PLCH1: variants seen among roughly 807,000 people sequenced by gnomAD.
The protein encoded by PLCH1 is 1-phosphatidylinositol 4,5-bisphosphate phosphodiesterase eta-1.
In PLCH1, 60 loss-of-function variants were observed where a neutral mutation model predicts 126.7. That is an observed-to-expected ratio of 0.47 (90% CI 0.38 to 0.59). The LOEUF (loss-of-function observed/expected upper bound fraction) is 0.59. Among genes scored for constraint, PLCH1 ranks in the 20% least tolerant of loss-of-function variants. The pLI, the probability that PLCH1 is intolerant of heterozygous loss-of-function variation, is 0.00. For synonymous variants in PLCH1, 719 were observed against 734.9 expected, an observed-to-expected ratio of 0.98 and a Z score of 0.35; for missense variants, 1,723 against 2,040.0, an observed-to-expected ratio of 0.84 and a Z score of 2.99.
In PLCH1 at chr3:155,497,492, C is replaced by T. The variant is rs544369478; in HGVS notation, c.1797-75G>A. 4.9e-6 allele frequency: 5 copies of T among 1,025,416 alleles called. No individual in the cohort carries two copies. The African/African-American group carries it at 7.9e-5, about 16-fold the overall frequency. 63.5% of individuals were successfully genotyped at this position (1,025,416 alleles called of 1,614,324 possible). ...TTGGGTTCTTGGTTATCCCACTTTC[C>T]TTATTTAAGACAATGATTTAATAGG... On this transcript the variant is annotated intron_variant, in intron 14 of 22. Coordinates refer to ENST00000460012, the MANE Select transcript of PLCH1 (RefSeq NM_014996.4).
rs1280176714 is a variant in PLCH1 at position 155,480,686 on chromosome 3, C to T, written c.*282G>A. The T allele has an allele frequency of 9.2e-6, 3 of 326,002 alleles. No individual in the cohort carries two copies. The highest frequency in any genetic ancestry group is 1.1e-4 in the East Asian group (2 of 18,248). The allele number at this position is 326,002 out of a possible 1,614,324, so 20.2% of individuals were successfully genotyped here. A position where few individuals can be genotyped will look rare whatever the true frequency, so the allele number is the denominator to read the frequency against. ...TTGGTGAAACACACACACATTATAA[C>T]CCGAGCTGCTGAGGAGTTTCACATC... is the stretch of plus-strand genomic sequence containing the variant. On this transcript the variant is annotated 3_prime_UTR_variant, in exon 23 of 23. Coordinates refer to ENST00000460012, the MANE Select transcript of PLCH1 (RefSeq NM_014996.4).
At chr3:155,451,011 A>G (rs947808666) in intron 21 of PLCH1, among the ~76,000 whole-genome samples, 3 of 152,182 alleles carry the variant, frequency 2.0e-5, no homozygotes, top group African/African-American at 7.2e-5. Context: ...CTGTTTAAAT[A>G]TGATTTAAAG....
chr3:155,562,929 C>A (rs1449158963), intron 8 of PLCH1, among the ~76,000 whole-genome samples: 1 of 152,180 alleles, frequency 6.6e-6, no homozygotes, highest in African/African-American at 2.4e-5. Context: ...CAGCAGGTAA[C>A]CAACTGCCCA....
chr3:155,491,136 A>G (rs1338320414), intron 18 of PLCH1, among the ~76,000 whole-genome samples: 1 of 152,260 alleles, frequency 6.6e-6, no homozygotes, highest in Admixed American at 6.5e-5. Flanking sequence ...AATACCAAAC[A>G]GAACTGAGAT....
intron 6 of PLCH1, among the ~76,000 whole-genome samples, chr3:155,582,575 A>G (rs1457423585): frequency 6.6e-6 from 1 of 152,212 alleles, no homozygotes; most frequent in Non-Finnish European, 1.5e-5. Context: ...ATTGTACTAT[A>G]TAGTCCAAAT....
At chr3:155,646,353 A>G (rs997091151) in intron 2 of PLCH1, among the ~76,000 whole-genome samples, 27 of 152,238 alleles carry the variant, frequency 1.8e-4, no homozygotes, top group African/African-American at 6.3e-4. Context: ...CTCACTGTTC[A>G]GTCCTTCAGC....
chr3:155,661,332 G>A (rs1461191916), intron 2 of PLCH1, among the ~76,000 whole-genome samples: 1 of 152,094 alleles, frequency 6.6e-6, no homozygotes, highest in Admixed American at 6.5e-5. Flanking sequence ...CTAGCTGGAG[G>A]GTAACAAGGC....
At chr3:155,556,092 A>G (rs951821442) in intron 8 of PLCH1, among the ~76,000 whole-genome samples, 1 of 152,222 alleles carries the variant, frequency 6.6e-6, no homozygotes, top group African/African-American at 2.4e-5. Flanking sequence ...AAACATAAAC[A>G]TTTCTGCAAG....
intron 12 of PLCH1, among the ~76,000 whole-genome samples, chr3:155,506,513 C>A (rs1189481396): frequency 8.5e-6 from 1 of 117,010 alleles, no homozygotes; most frequent in Non-Finnish European, 1.7e-5. Flanking sequence ...TCCCCCCACC[C>A]CACCACAGTC....
intron 8 of PLCH1, among the ~76,000 whole-genome samples, chr3:155,556,187 C>T (rs892744898): frequency 3.3e-5 from 5 of 152,072 alleles, no homozygotes; most frequent in African/African-American, 4.8e-5. Context: ...ACCCCTTCTC[C>T]GCTAAAAATA....
At chr3:155,723,889 G>A (rs556254657) in intron 1 of PLCH1, among the ~76,000 whole-genome samples, 190 of 150,392 alleles carry the variant, frequency 1.3e-3, no homozygotes, top group African/African-American at 4.1e-3. Context: ...AGGAGGTGGA[G>A]GTTGCAGTGA....
At chr3:155,658,451 G>T in intron 2 of PLCH1, 1 of 159,818 alleles carries the variant, frequency 6.3e-6, no homozygotes, top group South Asian at 1.8e-4. Context: ...GCCCAGACAC[G>T]GGAAGGTGAG....
chr3:155,652,680 C>T (rs181677395), intron 2 of PLCH1, among the ~76,000 whole-genome samples: 2 of 152,294 alleles, frequency 1.3e-5, no homozygotes, highest in Non-Finnish European at 2.9e-5. Flanking sequence ...CTGCTGCTTT[C>T]AGACCACTGA....
chr3:155,606,850 AT>A (rs1413378857), intron 2 of PLCH1, among the ~76,000 whole-genome samples: 1 of 152,214 alleles, frequency 6.6e-6, no homozygotes, highest in East Asian at 1.9e-4. Context: ...AGGATTCAAT[AT>A]ATAAATGGGA....
chr3:155,469,010 A>G (rs928321159), intron 21 of PLCH1, among the ~76,000 whole-genome samples: 9 of 152,222 alleles, frequency 5.9e-5, no homozygotes, highest in African/African-American at 1.9e-4. Context: ...AGGACAGACC[A>G]TATGTTAGGT....
At chr3:155,506,082 C>T (rs933664165) in intron 12 of PLCH1, among the ~76,000 whole-genome samples, 2 of 152,000 alleles carry the variant, frequency 1.3e-5, no homozygotes, top group Non-Finnish European at 2.9e-5. Flanking sequence ...TATATGGTCA[C>T]CCTATTTAGT....
downstream of PLCH1, among the ~76,000 whole-genome samples, chr3:155,479,264 T>C (rs1713685564): frequency 6.6e-6 from 1 of 152,240 alleles, no homozygotes; most frequent in East Asian, 1.9e-4. Context: ...GGTCTAAGGA[T>C]AGAATTAGGA....
intron 10 of PLCH1, among the ~76,000 whole-genome samples, chr3:155,539,398 T>C (rs1723908508): frequency 6.6e-6 from 1 of 152,172 alleles, no homozygotes. Flanking sequence ...CTGGAAATCC[T>C]AGCCAAGGCA....
intron 2 of PLCH1, among the ~76,000 whole-genome samples, chr3:155,619,167 A>G (rs1370021127): frequency 6.6e-6 from 1 of 152,072 alleles, no homozygotes; most frequent in Non-Finnish European, 1.5e-5. Flanking sequence ...ATACTTACAC[A>G]GTACATTACA....
Sources: gnomAD v4.1 joint callset for allele counts (sites outside exome capture counted in the v4.1 genomes callset) on GRCh38, gnomAD v4.1.1 for gene constraint, MANE v1.5 for transcripts, NCBI Gene and HGNC (gene_info 2026-07-23, HGNC 2026-07-21) for gene names.